PPARG: variants seen among roughly 807,000 people sequenced by gnomAD.
PPARG encodes peroxisome proliferator activated receptor gamma.
A neutral mutation model predicts 39.2 loss-of-function variants in PPARG; 17 were observed. That is an observed-to-expected ratio of 0.43 (90% CI 0.30 to 0.65). The LOEUF is 0.65. Ranked by LOEUF, PPARG falls within the 30% of genes least tolerant of loss-of-function variation. The probability of loss-of-function intolerance (pLI) is 0.13; values close to 1 mark genes in which losing one functional copy is unlikely to be tolerated. For synonymous variants in PPARG, 223 were observed against 215.7 expected, an observed-to-expected ratio of 1.03 and a Z score of -0.30; for missense variants, 406 against 585.9, an observed-to-expected ratio of 0.69 and a Z score of 3.17.
chr3:12,311,814 A>G (rs1319225987), intron 1 of PPARG, among the ~76,000 whole-genome samples: 6 of 152,192 alleles, frequency 3.9e-5, no homozygotes, highest in African/African-American at 1.4e-4. Flanking sequence ...CGTCCTCTGA[A>G]AAGTCTGCTT....
At chr3:12,371,786 GC>G in intron 2 of PPARG, 1 of 601,224 alleles carries the variant, frequency 1.7e-6, no homozygotes, top group South Asian at 1.5e-5. Context: ...AGGTCACTTT[GC>G]CTCATTTTCT....
chr3:12,310,697 T>C (rs2047209555), intron 1 of PPARG, among the ~76,000 whole-genome samples: 1 of 82,500 alleles, frequency 1.2e-5, no homozygotes, highest in African/African-American at 4.2e-5. Flanking sequence ...TCTCCAGACC[T>C]CGTGATCCGC....
intron 5 of PPARG, among the ~76,000 whole-genome samples, chr3:12,401,150 T>G (rs1003880644): frequency 8.5e-5 from 13 of 152,194 alleles, no homozygotes; most frequent in Admixed American, 5.9e-4. Flanking sequence ...AGGTCTGACT[T>G]CAGTCTTTCA....
At chr3:12,376,574 T>C (rs939385569) in intron 2 of PPARG, among the ~76,000 whole-genome samples, 1 of 152,178 alleles carries the variant, frequency 6.6e-6, no homozygotes, top group African/African-American at 2.4e-5. Flanking sequence ...CATCTTCTAC[T>C]TCCTAGCTAG....
chr3:12,360,950 A>G (rs1204264701), intron 2 of PPARG, among the ~76,000 whole-genome samples: 2 of 152,204 alleles, frequency 1.3e-5, no homozygotes, highest in Non-Finnish European at 2.9e-5. Flanking sequence ...TCAGCCAATA[A>G]TAGAGTATGT....
chr3:12,405,480 C>T (rs1038597693), intron 5 of PPARG, among the ~76,000 whole-genome samples: 11 of 152,180 alleles, frequency 7.2e-5, no homozygotes, highest in Admixed American at 2.6e-4. Context: ...ATTCGTGAAA[C>T]GTGTTGATCC....
chr3:12,296,652 T>C (rs2046794501), intron 1 of PPARG, among the ~76,000 whole-genome samples: 1 of 152,196 alleles, frequency 6.6e-6, no homozygotes, highest in South Asian at 2.1e-4. Flanking sequence ...TCAGTAGTGG[T>C]GTCAATAAGC....
At chr3:12,420,049 A>G (rs4135288) in intron 7 of PPARG, among the ~76,000 whole-genome samples, 251 of 152,312 alleles carry the variant, frequency 1.6e-3, no homozygotes, top group Non-Finnish European at 2.7e-3. Flanking sequence ...ACAAAGTCCT[A>G]TTTTTCCTAT....
chr3:12,333,459 C>T (rs1398910310), intron 2 of PPARG, among the ~76,000 whole-genome samples: 1 of 151,984 alleles, frequency 6.6e-6, no homozygotes, highest in African/African-American at 2.4e-5. Flanking sequence ...ACCTATATTC[C>T]TGTGTTTTTG....
chr3:12,307,312 A>C (rs138274371), intron 1 of PPARG, among the ~76,000 whole-genome samples: 2,726 of 152,202 alleles, frequency 0.018, 89 homozygotes, highest in African/African-American at 0.06. Flanking sequence ...TCAGTCAGCT[A>C]TGGTGGGGTT....
rs4135320 is a variant in PPARG, at chr3:12,374,683, A to G, written c.-8-5021A>G. On this transcript the variant is annotated intron_variant, in intron 2 of 7. Coordinates refer to ENST00000651735, the MANE Select transcript of PPARG (RefSeq NM_138711.6). ...TGTAAATCATGGACTTTAGGTGGTAATAATGTGTCAATATTGGTTCATCAG... is the reference window on the plus strand; with the variant it reads ...TGTAAATCATGGACTTTAGGTGGTAGTAATGTGTCAATATTGGTTCATCAG... Among the ~76,000 whole-genome samples the G allele has an allele frequency of 4.3e-3, 658 of 152,282 alleles. 7 individuals carry two copies. The highest frequency in any genetic ancestry group is 0.015 in the African/African-American group (609 of 41,560).
intron 2 of PPARG, among the ~76,000 whole-genome samples, chr3:12,368,762 C>T (rs1226432718): frequency 1.3e-5 from 2 of 152,130 alleles, no homozygotes; most frequent in Non-Finnish European, 2.9e-5. Context: ...AAACAAAACT[C>T]AGGATACTAT....
At chr3:12,288,330 G>T (rs915229102), upstream of PPARG, among the ~76,000 whole-genome samples, 1 of 151,888 alleles carries the variant, frequency 6.6e-6, no homozygotes, top group African/African-American at 2.4e-5. Flanking sequence ...ACCGGAGCGC[G>T]CACTAGGGGC....
chr3:12,352,912 G>C (rs2048533806), intron 2 of PPARG, among the ~76,000 whole-genome samples: 1 of 152,082 alleles, frequency 6.6e-6, no homozygotes, highest in South Asian at 2.1e-4. Context: ...TCTTTCTTCA[G>C]TTATTAATTT....
chr3:12,293,204 A>G (rs1488251763), intron 1 of PPARG, among the ~76,000 whole-genome samples: 3 of 152,194 alleles, frequency 2.0e-5, no homozygotes, highest in African/African-American at 4.8e-5. Flanking sequence ...CATTAAGTGG[A>G]GATTTTAAAC....
chr3:12,395,638 A>C (rs1382317039), intron 5 of PPARG, among the ~76,000 whole-genome samples: 5 of 152,256 alleles, frequency 3.3e-5, no homozygotes, highest in Non-Finnish European at 7.3e-5. Context: ...AAAAGTACCC[A>C]GGTGATGGAC....
chr3:12,376,191 C>T (rs2049400560), intron 2 of PPARG, among the ~76,000 whole-genome samples: 1 of 152,068 alleles, frequency 6.6e-6, no homozygotes, highest in East Asian at 1.9e-4. Context: ...TCAGGTGATC[C>T]ACCCTCTTTG....
intron 2 of PPARG, among the ~76,000 whole-genome samples, chr3:12,357,481 C>T (rs1233985953): frequency 3.3e-5 from 5 of 152,162 alleles, no homozygotes; most frequent in African/African-American, 9.7e-5. Context: ...TGAGGGTGAC[C>T]TTGGCCTTCC....
intron 2 of PPARG, among the ~76,000 whole-genome samples, chr3:12,332,630 T>C (rs1485870188): frequency 6.6e-6 from 1 of 152,202 alleles, no homozygotes; most frequent in South Asian, 2.1e-4. Context: ...GCATTATTAA[T>C]GTCATCCAAA....
Sources: allele counts gnomAD v4.1 joint callset (sites outside exome capture counted in the v4.1 genomes callset), GRCh38; gene constraint gnomAD v4.1.1; transcripts MANE v1.5; gene names NCBI Gene and HGNC (gene_info 2026-07-23, HGNC 2026-07-21).